DCAF13: variants seen among roughly 807,000 people sequenced by gnomAD.
DCAF13 encodes the protein DDB1 and CUL4 associated factor 13.
Under a neutral mutation model 59.0 loss-of-function variants are expected in DCAF13, and 38 were observed. The ratio of observed to expected loss-of-function variants is 0.64; its 90% CI spans 0.50 to 0.84. DCAF13 has a LOEUF of 0.84. Ranked by LOEUF, DCAF13 falls within the 40% of genes least tolerant of loss-of-function variation. The pLI, the probability that DCAF13 is intolerant of heterozygous loss-of-function variation, is 0.00. For synonymous variants in DCAF13, 173 were observed against 175.0 expected, an observed-to-expected ratio of 0.99 and a Z score of 0.09; for missense variants, 469 against 558.4, an observed-to-expected ratio of 0.84 and a Z score of 1.61.
intron 1 of DCAF13, among the ~76,000 whole-genome samples, chr8:103,419,142 C>T (rs13439598): frequency 6.6e-6 from 1 of 151,922 alleles, no homozygotes; most frequent in South Asian, 2.1e-4. Flanking sequence ...TCCCGGCCCC[C>T]CAAAGTGCTG....
intron 7 of DCAF13, among the ~76,000 whole-genome samples, 161 bp downstream of exon 7, chr8:103,432,902 T>C (rs1341713703): frequency 6.6e-6 from 1 of 152,130 alleles, no homozygotes; most frequent in African/African-American, 2.4e-5. Flanking sequence ...GAGAAGAACT[T>C]CTTAGAAAAG....
Position 103,415,420 on chromosome 8 carries a change from T to A in DCAF13, c.-27T>A. ...GGCGGAACTCCTAGCGGACACCTCGTGGAGTCCGGCCGGAAGAGCAACCGA... is the reference window on the plus strand; with the variant it reads ...GGCGGAACTCCTAGCGGACACCTCGAGGAGTCCGGCCGGAAGAGCAACCGA... On this transcript the variant is annotated 5_prime_UTR_variant, in exon 1 of 11. Coordinates refer to ENST00000612750, the MANE Select transcript of DCAF13 (RefSeq NM_015420.7). The A allele has an allele frequency of 2.5e-6, 4 of 1,614,044 alleles. No individual in the cohort carries two copies. The highest frequency in any genetic ancestry group is 3.4e-6 in the Non-Finnish European group (4 of 1,180,006).
intron 3 of DCAF13, among the ~76,000 whole-genome samples, chr8:103,422,497 G>C (rs1241287816): frequency 6.6e-6 from 1 of 152,192 alleles, no homozygotes; most frequent in Non-Finnish European, 1.5e-5. Flanking sequence ...CAAAGAATCT[G>C]TGAATGAGCA....
At position 103,432,718 on chromosome 8, in the gene DCAF13, T is replaced by C; in HGVS notation, c.762T>C (p.Phe254=). 2 of 1,601,944 alleles carry C rather than the reference T, an allele frequency of 1.2e-6. No individual in the cohort carries two copies. The highest frequency in any genetic ancestry group is 1.7e-6 in the Non-Finnish European group (2 of 1,170,322). ...ICWNPMEAFI[F]TAANEDYNLY... ...GGAACCCTATGGAAGCTTTCATTTT[T>C]ACAGCAGCAAATGAAGATTATAAGT... Residue 254 remains phenylalanine, a synonymous_variant, in exon 7 of 11, where the codon TTT becomes TTC. Transcript: ENST00000612750.
Position 103,426,069 on chromosome 8 carries a change from A to C in DCAF13, c.392A>C (p.Lys131Thr), listed in dbSNP as rs772637995. The C allele has an allele frequency of 1.2e-6, 2 of 1,612,574 alleles. No individual in the cohort carries two copies. Among genetic ancestry groups the C allele is most frequent in the Admixed American group, 3.3e-5 (2 of 60,006 alleles). The change falls in exon 4 of 11, where the codon AAA (lysine) becomes ACA (threonine). Residue 131 changes from lysine to threonine, a missense_variant. Lys to Thr is a moderately conservative substitution (Grantham distance 78, BLOSUM62 -1). Coordinates refer to ENST00000612750, the MANE Select transcript of DCAF13 (RefSeq NM_015420.7). Reference protein sequence around the residue: ...GTSFFTVGDDKTVKQWKMDGP... With the variant: ...GTSFFTVGDDTTVKQWKMDGP... ...AAATATTTCTAGGTTGGTGATGACA[A>C]AACTGTGAAGCAGTGGAAAATGGAT...
chr8:103,439,304 C>A (rs187654634), intron 8 of DCAF13, among the ~76,000 whole-genome samples: 77 of 150,530 alleles, frequency 5.1e-4, no homozygotes, highest in African/African-American at 1.6e-3. Context: ...TTAAATTATT[C>A]TTACCTCAAC....
In DCAF13 at chr8:103,440,226, G is replaced by T. The variant is rs774923967; in HGVS notation, c.1041G>T (p.Met347Ile). Residue 347 changes from methionine to isoleucine, a missense_variant, in exon 9 of 11, where the codon ATG becomes ATT. Around this residue, in one of 3 missense-constraint regions of DCAF13, gnomAD observed 30 missense variants for 67.1 expected, o/e 0.45. Coordinates refer to ENST00000612750, the MANE Select transcript of DCAF13 (RefSeq NM_015420.7). ...SKYIMCGSDE[M>I]NIRLWKANAS... ...ATATTATGTGTGGATCTGATGAAAT[G>T]AACATTCGCCTGTGGAAAGCTAATG... is the stretch of plus-strand genomic sequence containing the variant. 1 of 1,601,062 alleles carries T rather than the reference G, an allele frequency of 6.2e-7. No homozygotes were observed. The highest frequency in any genetic ancestry group is 8.5e-7 in the Non-Finnish European group (1 of 1,174,712).
At chr8:103,418,862 A>G (rs76028359) in intron 1 of DCAF13, among the ~76,000 whole-genome samples, 1 of 21,236 alleles carries the variant, frequency 4.7e-5, no homozygotes, top group Non-Finnish European at 7.6e-5. Flanking sequence ...ATATATATAT[A>G]TATATTTTTT....
At chr8:103,416,245 A>G (rs1816610754) in intron 1 of DCAF13, among the ~76,000 whole-genome samples, 1 of 152,236 alleles carries the variant, frequency 6.6e-6, no homozygotes, top group Non-Finnish European at 1.5e-5. Flanking sequence ...CGAAAACAGT[A>G]TTTCACTATT....
chr8:103,420,753 C>A, intron 2 of DCAF13: 1 of 581,152 alleles, frequency 1.7e-6, no homozygotes, highest in Non-Finnish European at 3.0e-6. Context: ...CCTACTATGG[C>A]AAGTGAAAAA....
intron 3 of DCAF13, among the ~76,000 whole-genome samples, chr8:103,424,746 T>A (rs138994351): frequency 6.6e-6 from 1 of 152,174 alleles, no homozygotes; most frequent in African/African-American, 2.4e-5. Flanking sequence ...GGACACAGTT[T>A]ATCCTGTATT....
chr8:103,421,281 C>G, intron 3 of DCAF13, 199 bp downstream of exon 3: 1 of 659,946 alleles, frequency 1.5e-6, no homozygotes. Flanking sequence ...CATGATTAAA[C>G]TAATATTCAA....
chr8:103,432,816 TATATACCACTAGGTAG>T, intron 7 of DCAF13, 75 bp downstream of exon 7: 1 of 883,818 alleles, frequency 1.1e-6, no homozygotes, highest in Non-Finnish European at 1.8e-6. Flanking sequence ...ACTAATAAAA[TATATACCACTAGGTAG>T]GTATACCTAT....
At chr8:103,416,314 C>T (rs1273251296) in intron 1 of DCAF13, among the ~76,000 whole-genome samples, 1 of 152,172 alleles carries the variant, frequency 6.6e-6, no homozygotes, top group Non-Finnish European at 1.5e-5. Context: ...AGTCTCTGCT[C>T]AAAAGATGTT....
intron 8 of DCAF13, among the ~76,000 whole-genome samples, chr8:103,439,259 G>GGGATTACA (rs1219807773): frequency 6.6e-6 from 1 of 152,004 alleles, no homozygotes; most frequent in East Asian, 1.9e-4. Flanking sequence ...CCAAAGTGCT[G>GGGATTACA]GGATTACAGG....
intron 3 of DCAF13, among the ~76,000 whole-genome samples, chr8:103,424,712 C>T (rs1357780493): frequency 2.6e-5 from 4 of 152,152 alleles, no homozygotes; most frequent in East Asian, 1.9e-4. Flanking sequence ...GGAGGGATAG[C>T]GTCTTCAGGA....
At chr8:103,421,335 G>T (rs921534742) in intron 3 of DCAF13, 7 of 563,532 alleles carry the variant, frequency 1.2e-5, no homozygotes, top group Non-Finnish European at 2.3e-5. Flanking sequence ...TCTAGAAAGA[G>T]TTTGGCTTAC....
At chr8:103,435,812 A>G (rs1277749813) in intron 8 of DCAF13, 22 bp downstream of exon 8, 3 of 1,609,784 alleles carry the variant, frequency 1.9e-6, no homozygotes, top group Non-Finnish European at 2.5e-6. Flanking sequence ...CCAGTAAGCC[A>G]TTTATATTCA....
At chr8:103,440,382 CAT>C (rs1816994056) in intron 9 of DCAF13, 111 bp downstream of exon 9, 1 of 954,186 alleles carries the variant, frequency 1.0e-6, no homozygotes, top group Non-Finnish European at 1.5e-6. Flanking sequence ...ATTAAATTGA[CAT>C]AGCTGTGATA....
Sources: gnomAD v4.1 joint callset for allele counts (sites outside exome capture counted in the v4.1 genomes callset) on GRCh38, gnomAD v4.1.1 for gene constraint, gnomAD v4.1.1 regional missense constraint, MANE v1.5 for transcripts, NCBI Gene and HGNC (gene_info 2026-07-23, HGNC 2026-07-21) for gene names.